ZNF317: variants seen among roughly 807,000 people sequenced by gnomAD.
ZNF317 encodes the protein KRAB-containing zinc finger protein 317.
A neutral mutation model predicts 23.4 loss-of-function variants in ZNF317; 17 were observed. The ratio of observed to expected loss-of-function variants is 0.73; its 90% CI spans 0.50 to 1.09. The LOEUF (loss-of-function observed/expected upper bound fraction) is 1.09, where lower values mean the gene tolerates loss of function less well. Ranked by LOEUF, ZNF317 falls within the 50% of genes least tolerant of loss-of-function variation. The pLI is 0.00. For synonymous variants in ZNF317, 317 were observed against 314.9 expected (o/e 1.01, Z -0.07); for missense variants, 679 against 796.7 (o/e 0.85, Z 1.78).
intron 2 of ZNF317, 21 bp downstream of exon 2, chr19:9,156,062 G>C (rs371384823): frequency 1.2e-6 from 2 of 1,614,030 alleles, no homozygotes; most frequent in Non-Finnish European, 1.7e-6. Context: ...GGGTCAGTGC[G>C]TGCCCTGAGA....
chr19:9,149,546 AG>A lies in ZNF317; in HGVS notation c.-92-6374del, dbSNP rs1254587147. 2.6e-5 allele frequency among the ~76,000 whole-genome samples: 4 copies of A among 151,968 alleles called. No individual in the cohort carries two copies. The South Asian group carries it at 8.3e-4, about 32-fold the overall frequency. On this transcript the variant is annotated intron_variant, in intron 1 of 6. Transcript: ENST00000247956. Reference sequence around the variant, plus strand: ...GTTGAATAAAGATCTGAAGGATGAGAGGGGGCCAGGCACACTGAGAATGTGG... The same window carrying A: ...GTTGAATAAAGATCTGAAGGATGAGAGGGGCCAGGCACACTGAGAATGTGG...
At position 9,157,345 on chromosome 19, in the gene ZNF317, AC is replaced by A; in HGVS notation, c.241del (p.Leu81CysfsTer5). 6.2e-7 allele frequency: 1 copy of A among 1,613,956 alleles called. No individual in the cohort carries two copies. Among genetic ancestry groups the A allele is most frequent in the Non-Finnish European group, 8.5e-7 (1 of 1,179,970 alleles). On this transcript the variant is annotated frameshift_variant, in exon 4 of 7. Coordinates refer to ENST00000247956, the MANE Select transcript of ZNF317 (RefSeq NM_020933.5). LOFTEE classifies it high-confidence loss of function. ...CCTTGCTGGATTCTTCTCAGAGAAA[AC>A]TGTACAAAGATGTAATGCTGGAGAA... The part of the protein sequence containing the change: ...WPLLDSSQRK[L>X]YKDVMLENYS...
Position 9,157,293 on chromosome 19 carries a change from C to T in ZNF317, c.188C>T (p.Ala63Val), listed in dbSNP as rs1397355780. The change falls in exon 4 of 7, where the codon GCT becomes GTT. Residue 63 changes from alanine to valine, a missense_variant. Transcript: ENST00000247956. ...SQESVTFQDV[A>V]VDFTEKEWPL... ...GAATCGGTGACTTTCCAAGATGTCGCTGTGGACTTTACCGAGAAGGAGTGG... is the reference window on the plus strand; with the variant it reads ...GAATCGGTGACTTTCCAAGATGTCGTTGTGGACTTTACCGAGAAGGAGTGG... 6.2e-7 allele frequency: 1 copy of T among 1,613,958 alleles called. No homozygotes were observed. The highest frequency in any genetic ancestry group is 1.3e-5 in the African/African-American group (1 of 74,910).
chr19:9,160,749 C>T lies in ZNF317; in HGVS notation c.1104C>T (p.Gly368=), dbSNP rs2145962681. 1.9e-6 allele frequency: 3 copies of T among 1,612,784 alleles called. No individual in the cohort carries two copies. The South Asian group carries it at 3.3e-5, about 18-fold the overall frequency. Residue 368 remains glycine (G), a synonymous_variant, in exon 7 of 7, where the codon GGC becomes GGT. Coordinates refer to ENST00000247956, the MANE Select transcript of ZNF317 (RefSeq NM_020933.5). This position sits in a 1 kb window ranked among gnomAD's most constrained non-coding sequence, Gnocchi z 6.8. ...GEKPYACTQC[G]KAFRWKSNFN... Reference sequence around the variant, plus strand: ...AGCCCTACGCGTGCACGCAGTGCGGCAAAGCCTTCCGCTGGAAGTCCAACT... The same window carrying T: ...AGCCCTACGCGTGCACGCAGTGCGGTAAAGCCTTCCGCTGGAAGTCCAACT...
chr19:9,140,731 C>A, intron 1 of ZNF317, 139 bp downstream of exon 1: 1 of 356,868 alleles, frequency 2.8e-6, no homozygotes, highest in Non-Finnish European at 5.5e-6. Context: ...GTTTAGATCT[C>A]GCGATCAGCG....
At chr19:9,150,312 G>C (rs1270147671) in intron 1 of ZNF317, among the ~76,000 whole-genome samples, 1 of 152,212 alleles carries the variant, frequency 6.6e-6, no homozygotes, top group Non-Finnish European at 1.5e-5. Flanking sequence ...ATTTTAGAGT[G>C]AATGTTTGTT....
intron 6 of ZNF317, among the ~76,000 whole-genome samples, 158 bp from the exon 7 acceptor site, chr19:9,159,955 CA>C (rs2050828666): frequency 6.6e-6 from 1 of 152,196 alleles, no homozygotes; most frequent in Admixed American, 6.5e-5. Context: ...TGATGGAGCT[CA>C]AATGGGGCAG....
intron 1 of ZNF317, among the ~76,000 whole-genome samples, chr19:9,147,371 G>A (rs1026980057): frequency 1.0e-4 from 12 of 120,320 alleles, no homozygotes; most frequent in African/African-American, 2.0e-4. Flanking sequence ...ATGGAGTCTC[G>A]CTCTGTCGCC....
rs374402371 is a variant in ZNF317 at position 9,160,747 on chromosome 19, G to A, written c.1102G>A (p.Gly368Ser). 59 of 1,613,982 alleles carry A rather than the reference G, an allele frequency of 3.7e-5. No homozygotes were observed. The East Asian group carries it at 9.6e-4, about 26-fold the overall frequency. The change falls in exon 7 of 7, where the codon GGC (glycine) becomes AGC (serine). Residue 368 changes from glycine (G) to serine (S), a missense_variant. Transcript: ENST00000247956. The surrounding 1 kb of genome is among the most constrained non-coding windows in gnomAD (Gnocchi z 6.8). The part of the protein sequence containing the change: ...GEKPYACTQC[G>S]KAFRWKSNFN... ...GAAGCCCTACGCGTGCACGCAGTGCGGCAAAGCCTTCCGCTGGAAGTCCAA... is the reference window on the plus strand; with the variant it reads ...GAAGCCCTACGCGTGCACGCAGTGCAGCAAAGCCTTCCGCTGGAAGTCCAA...
rs201446229 is a variant in ZNF317 at position 9,161,067 on chromosome 19, C to T, written c.1422C>T (p.Tyr474=). ...HRKIHTQERR[Y]ECAACGKVFG... ...AGATACACACGCAAGAGAGACGCTA[C>T]GAATGCGCCGCCTGCGGGAAAGTCT... The change falls in exon 7 of 7, where the codon TAC becomes TAT. Residue 474 remains tyrosine, a synonymous_variant. Coordinates refer to ENST00000247956, the MANE Select transcript of ZNF317 (RefSeq NM_020933.5). The surrounding 1 kb of genome is among the most constrained non-coding windows in gnomAD (Gnocchi z 4.0). 6.8e-6 allele frequency: 11 copies of T among 1,614,160 alleles called. No individual in the cohort carries two copies. In the East Asian group the frequency reaches 8.9e-5, roughly 13 times the overall value.
intron 1 of ZNF317, among the ~76,000 whole-genome samples, chr19:9,147,842 C>T (rs2050700727): frequency 6.6e-6 from 1 of 152,144 alleles, no homozygotes; most frequent in South Asian, 2.1e-4. Flanking sequence ...CCCTCCCCCC[C>T]TCCAAATCTC....
chr19:9,140,934 A>C (rs1343159803), intron 1 of ZNF317, among the ~76,000 whole-genome samples: 3 of 152,076 alleles, frequency 2.0e-5, no homozygotes, highest in Non-Finnish European at 4.4e-5. Context: ...GCGAGGAGAA[A>C]TCACCTTCTT....
Position 9,158,826 on chromosome 19 carries a change from A to T in ZNF317, c.386A>T (p.Asp129Val), listed in dbSNP as rs1189614951. Residue 129 changes from aspartate to valine, a missense_variant and splice_region_variant, in exon 6 of 7, where the codon GAT becomes GTT. Asp to Val is a radical substitution (Grantham distance 152, BLOSUM62 -3). Transcript: ENST00000247956. Reference sequence around the variant, plus strand: ...TTAATACTTTTCCAATTTGTTTCAGATTGGGAGACTCCATCTAAAACCAAG... The same window carrying T: ...TTAATACTTTTCCAATTTGTTTCAGTTTGGGAGACTCCATCTAAAACCAAG... ...ERGAHQGACA[D>V]WETPSKTKWS... is the part of the protein sequence containing the mutation. 3.1e-6 allele frequency: 5 copies of T among 1,599,632 alleles called. No individual in the cohort carries two copies. In the African/African-American group the frequency reaches 6.7e-5, roughly 21 times the overall value.
At chr19:9,144,084 C>T (rs2050661555) in intron 1 of ZNF317, among the ~76,000 whole-genome samples, 1 of 151,856 alleles carries the variant, frequency 6.6e-6, no homozygotes, top group Non-Finnish European at 1.5e-5. Context: ...CTCACTGCAA[C>T]CTCCACCTCC....
At chr19:9,158,168 G>A in intron 5 of ZNF317, 93 bp downstream of exon 5, 3 of 1,394,022 alleles carry the variant, frequency 2.2e-6, no homozygotes, top group Non-Finnish European at 2.8e-6. Flanking sequence ...GTCACCCAGG[G>A]AAATTGAGAG....
intron 2 of ZNF317, among the ~76,000 whole-genome samples, chr19:9,156,395 T>G (rs977867366): frequency 5.9e-5 from 9 of 152,028 alleles, no homozygotes; most frequent in African/African-American, 2.2e-4. Flanking sequence ...TTCTTATGAG[T>G]ATGTAGCCCA....
At chr19:9,157,862 C>G (rs1363631403) in intron 4 of ZNF317, 118 bp from the exon 5 acceptor site, 1 of 1,419,094 alleles carries the variant, frequency 7.0e-7, no homozygotes, top group South Asian at 1.6e-5. Context: ...TTTGCTGCTC[C>G]TAAGTCAGAC....
Position 9,160,150 on chromosome 19 carries a change from G to T in ZNF317, c.505G>T (p.Ala169Ser), listed in dbSNP as rs776581463. The change falls in exon 7 of 7, where the codon GCT (alanine) becomes TCT (serine). Residue 169 changes from alanine to serine, a missense_variant. By Grantham distance (99) the Ala-to-Ser change is moderately conservative. Transcript: ENST00000247956. The surrounding 1 kb of genome is among the most constrained non-coding windows in gnomAD (Gnocchi z 6.8). Reference protein sequence around the residue: ...AGLGEKSTEYAHLFEVFGMDP... With the variant: ...AGLGEKSTEYSHLFEVFGMDP... ...TCTTGGAGAGAAGTCCACTGAATAC[G>T]CTCACTTGTTCGAAGTCTTTGGCAT... is the stretch of plus-strand genomic sequence containing the variant. The T allele has an allele frequency of 1.2e-6, 2 of 1,614,136 alleles. No individual in the cohort carries two copies. Among genetic ancestry groups the T allele is most frequent in the South Asian group, 1.1e-5 (1 of 91,084 alleles).
chr19:9,155,970 G>A lies in ZNF317; in HGVS notation c.-47G>A, dbSNP rs1305524307. ...GTGAGAGCAAGAGAGTAGCTTTCTG[G>A]TTGTCCTGGTGCCCTGCTCAGGCAA... On this transcript the variant is annotated 5_prime_UTR_variant, in exon 2 of 7. It introduces an in-frame stop codon into an upstream open reading frame of the 5' UTR. Transcript: ENST00000247956. 2 of 1,613,874 alleles carry A rather than the reference G, an allele frequency of 1.2e-6. No individual in the cohort carries two copies. The highest frequency in any genetic ancestry group is 4.5e-5 in the East Asian group (2 of 44,870).
Sources: gnomAD v4.1 joint callset for allele counts (sites outside exome capture counted in the v4.1 genomes callset) on GRCh38, gnomAD v4.1.1 for gene constraint, Gnocchi (gnomAD v3.1) non-coding constraint, MANE v1.5 for transcripts, NCBI Gene and HGNC (gene_info 2026-07-23, HGNC 2026-07-21) for gene names.